ANKRD27: variants seen among roughly 807,000 people sequenced by gnomAD.
ANKRD27 encodes the protein ankyrin repeat domain 27, also known as ankyrin repeat domain-containing protein 27.
ANKRD27 carries 112 observed loss-of-function variants against 129.7 expected under a neutral mutation model. The ratio of observed to expected loss-of-function variants is 0.86; its 90% CI spans 0.74 to 1.01. The LOEUF (loss-of-function observed/expected upper bound fraction) is 1.01. Among genes scored for constraint, ANKRD27 ranks in the 50% least tolerant of loss-of-function variants. The probability of loss-of-function intolerance (pLI) is 0.00; values close to 1 mark genes in which losing one functional copy is unlikely to be tolerated. For missense variants in ANKRD27, 1,258 were observed against 1,300.5 expected (o/e 0.97, Z 0.50); for synonymous variants, 516 against 511.2 (o/e 1.01, Z -0.13).
chr19:32,604,453 G>A (rs1373814666), intron 24 of ANKRD27, 29 bp from the exon 25 acceptor site: 1 of 1,569,842 alleles, frequency 6.4e-7, no homozygotes, highest in South Asian at 1.1e-5. Flanking sequence ...CGATCAAAAG[G>A]AACGCTACGA....
intron 24 of ANKRD27, among the ~76,000 whole-genome samples, chr19:32,605,125 C>CT (rs1971712629): frequency 6.6e-6 from 1 of 152,106 alleles, no homozygotes; most frequent in African/African-American, 2.4e-5. Context: ...TAATCCAGCA[C>CT]TTTAGGAGGC....
intron 9 of ANKRD27, 45 bp from the exon 10 acceptor site, chr19:32,642,190 G>C: frequency 1.3e-6 from 2 of 1,523,778 alleles, no homozygotes; most frequent in South Asian, 2.6e-5. Flanking sequence ...CACAGTAAGA[G>C]AACCCTCTGG....
Position 32,643,298 on chromosome 19 carries a change from C to T in ANKRD27, c.694G>A (p.Glu232Lys), listed in dbSNP as rs1364525809. The T allele has an allele frequency of 2.5e-6, 4 of 1,613,948 alleles. No homozygotes were observed. The highest frequency in any genetic ancestry group is 2.5e-6 in the Non-Finnish European group (3 of 1,180,042). ...NLIFKYVGTM[E>K]ASEDAAFNKI... ...AACTGAGAACCTACCTCACTTGCCT[C>T]CATGGTCCCCACGTATTTAAAGATC... Residue 232 changes from glutamate to lysine, a missense_variant, in exon 8 of 29, where the codon GAG (glutamate) becomes AAG (lysine). Coordinates refer to ENST00000306065, the MANE Select transcript of ANKRD27 (RefSeq NM_032139.3).
intron 4 of ANKRD27, 46 bp downstream of exon 4, chr19:32,646,413 C>G: frequency 6.4e-7 from 1 of 1,569,452 alleles, no homozygotes; most frequent in Non-Finnish European, 8.7e-7. Context: ...GTTCAACAAA[C>G]ACATTTTTCT....
chr19:32,604,915 C>CA (rs1971709077), intron 24 of ANKRD27, among the ~76,000 whole-genome samples: 1 of 151,148 alleles, frequency 6.6e-6, no homozygotes, highest in Admixed American at 6.6e-5. Context: ...CACCAAAAAA[C>CA]AAAAAAATTA....
intron 18 of ANKRD27, 99 bp downstream of exon 18, chr19:32,622,323 A>G (rs1344120156): frequency 1.0e-5 from 13 of 1,295,592 alleles, no homozygotes; most frequent in Non-Finnish European, 1.4e-5. Flanking sequence ...TTCTGCCCTC[A>G]GGCAATAATG....
chr19:32,618,481 G>T (rs1025514052), intron 20 of ANKRD27, among the ~76,000 whole-genome samples: 15 of 143,140 alleles, frequency 1.0e-4, no homozygotes, highest in Non-Finnish European at 1.8e-4. Flanking sequence ...AAGAAATACT[G>T]AACTCAGCTA....
intron 23 of ANKRD27, 57 bp from the exon 24 acceptor site, chr19:32,606,011 A>T: frequency 6.7e-7 from 1 of 1,494,350 alleles, no homozygotes; most frequent in Non-Finnish European, 8.9e-7. Context: ...ATTTCCTGCC[A>T]GAGAAAAATT....
At chr19:32,607,337 G>A (rs1040878759) in intron 23 of ANKRD27, among the ~76,000 whole-genome samples, 5 of 151,992 alleles carry the variant, frequency 3.3e-5, no homozygotes, top group African/African-American at 4.8e-5. Context: ...GACAGTGCTC[G>A]GTGGCCACCA....
rs750364058 is a variant in ANKRD27, at chr19:32,649,763, C to G, written c.132G>C (p.Ser44=). The change falls in exon 3 of 29, where the codon TCG becomes TCC. Residue 44 remains serine, a synonymous_variant. Coordinates refer to ENST00000306065, the MANE Select transcript of ANKRD27 (RefSeq NM_032139.3). ...ACTGACAAGTAGACTGGATGCTGCTCGACAGGCTTCCTTTGCAGGGTACTA... is the reference window on the plus strand; with the variant it reads ...ACTGACAAGTAGACTGGATGCTGCTGGACAGGCTTCCTTTGCAGGGTACTA... The part of the protein sequence containing the change: ...IVLVPCKGSL[S]SSIQSTCQFE... 5 of 1,613,872 alleles carry G rather than the reference C, an allele frequency of 3.1e-6. No homozygotes were observed. The highest frequency in any genetic ancestry group is 2.7e-5 in the African/African-American group (2 of 74,902).
chr19:32,631,379 AC>A (rs779171211), intron 13 of ANKRD27, 22 bp downstream of exon 13: 2 of 1,602,026 alleles, frequency 1.2e-6, no homozygotes, highest in East Asian at 4.5e-5. Context: ...ACATTTACCC[AC>A]AGAGATGTCT....
intron 1 of ANKRD27, 98 bp from the exon 2 acceptor site, chr19:32,659,143 T>C (rs1967600639): frequency 1.2e-5 from 7 of 594,308 alleles, no homozygotes; most frequent in Non-Finnish European, 8.6e-6. Flanking sequence ...CTTTTTCTTT[T>C]TTTTTTTTTT....
chr19:32,624,080 T>C (rs1341645395), intron 17 of ANKRD27, among the ~76,000 whole-genome samples: 1 of 151,996 alleles, frequency 6.6e-6, no homozygotes, highest in Non-Finnish European at 1.5e-5. Flanking sequence ...AAGAATGTGC[T>C]AGATGGCCAG....
Position 32,653,843 on chromosome 19 carries a change from G to A in ANKRD27, c.103-4051C>T, listed in dbSNP as rs537619731. On this transcript the variant is annotated intron_variant, in intron 2 of 28. Coordinates refer to ENST00000306065, the MANE Select transcript of ANKRD27 (RefSeq NM_032139.3). ...CATGGAGATGAGGCGGCCCAGCAGCGTGCACGCAGGGAGAAGCGTGGTGCG... is the reference window on the plus strand; with the variant it reads ...CATGGAGATGAGGCGGCCCAGCAGCATGCACGCAGGGAGAAGCGTGGTGCG... Among the ~76,000 whole-genome samples, 56 of 152,318 alleles carry A rather than the reference G, an allele frequency of 3.7e-4. 2 individuals are homozygous for A. In the East Asian group the frequency reaches 4.4e-3, roughly 12 times the overall value.
At chr19:32,599,235 C>T (rs372241350) in intron 28 of ANKRD27, among the ~76,000 whole-genome samples, 3 of 152,148 alleles carry the variant, frequency 2.0e-5, no homozygotes, top group Admixed American at 6.6e-5. Flanking sequence ...GAGCCGAGAT[C>T]GTGCCACTGC....
Position 32,597,051 on chromosome 19 carries a change from T to C in ANKRD27, c.*1094A>G, listed in dbSNP as rs1400686598. 6.6e-6 allele frequency: 1 copy of C among 152,606 alleles called. No homozygotes were observed. The highest frequency in any genetic ancestry group is 6.5e-5 in the Admixed American group (1 of 15,274). 9.5% of individuals were successfully genotyped at this position (152,606 alleles called of 1,614,324 possible). A position where few individuals can be genotyped will look rare whatever the true frequency, so the allele number is the denominator to read the frequency against. On this transcript the variant is annotated 3_prime_UTR_variant, in exon 29 of 29. Coordinates refer to ENST00000306065, the MANE Select transcript of ANKRD27 (RefSeq NM_032139.3). ...TGTTTCTTTTCCATCATTTGGCACA[T>C]ATCCAAGGCACATTAGAAAATTAGA...
chr19:32,603,758 T>C (rs144826535), intron 25 of ANKRD27, among the ~76,000 whole-genome samples: 16 of 152,286 alleles, frequency 1.1e-4, no homozygotes, highest in Non-Finnish European at 1.6e-4. Context: ...AGGCTGGTCA[T>C]GAGCTCCTGC....
intron 17 of ANKRD27, 51 bp downstream of exon 17, chr19:32,625,823 C>A: frequency 7.2e-7 from 1 of 1,386,882 alleles, no homozygotes; most frequent in South Asian, 1.4e-5. Flanking sequence ...GACTTCTCTA[C>A]GAGTGGGAAA....
intron 20 of ANKRD27, 128 bp from the exon 21 acceptor site, chr19:32,617,761 T>C (rs1410285370): frequency 3.9e-5 from 18 of 457,844 alleles, no homozygotes; most frequent in South Asian, 6.4e-5. Flanking sequence ...TAGTTTTTTT[T>C]TTTTTTTTTT....
Sources: gnomAD v4.1 joint callset for allele counts (sites outside exome capture counted in the v4.1 genomes callset) on GRCh38, gnomAD v4.1.1 for gene constraint, MANE v1.5 for transcripts, NCBI Gene and HGNC (gene_info 2026-07-23, HGNC 2026-07-21) for gene names.